The following MKX variants were observed in gnomAD, a reference collection of about 807,000 sequenced individuals.
The protein encoded by MKX is mohawk homeobox.
Under a neutral mutation model 36.0 loss-of-function variants are expected in MKX, and 13 were observed. That is an observed-to-expected ratio of 0.36 (90% CI 0.24 to 0.57). The LOEUF (loss-of-function observed/expected upper bound fraction) is 0.57. MKX is among the 20% of genes least tolerant of loss of function. The pLI, the probability that MKX is intolerant of heterozygous loss-of-function variation, is 0.79. For synonymous variants in MKX, 176 were observed against 178.3 expected (o/e 0.99, Z 0.10); for missense variants, 458 against 456.4 (o/e 1.00, Z -0.03).
intron 3 of MKX, among the ~76,000 whole-genome samples, chr10:27,738,130 C>G (rs1229132466): frequency 6.6e-6 from 1 of 151,842 alleles, no homozygotes; most frequent in African/African-American, 2.4e-5. Context: ...TAGACTGTTT[C>G]AAAACTGATT....
At chr10:27,713,985 A>G (rs1463910685) in intron 5 of MKX, among the ~76,000 whole-genome samples, 1 of 146,026 alleles carries the variant, frequency 6.8e-6, no homozygotes, top group African/African-American at 2.5e-5. Context: ...TCTGTAGGCG[A>G]GTACAGCAAA....
rs118129039 is a variant in MKX at position 27,699,661 on chromosome 10, T to G, written c.839-24107A>C. 6.2e-3 allele frequency among the ~76,000 whole-genome samples: 937 copies of G among 152,296 alleles called. 17 individuals are homozygous for G. The East Asian group carries it at 0.064, about 10-fold the overall frequency. ...CTTTCTTATAGAAAGAGACTCCATT[T>G]AATTGGCTTCCACACGCGCCTTCCC... On this transcript the variant is annotated intron_variant, in intron 5 of 6. Coordinates refer to ENST00000419761, the MANE Select transcript of MKX (RefSeq NM_173576.3).
At chr10:27,680,089 G>GC (rs1836226158) in intron 5 of MKX, among the ~76,000 whole-genome samples, 1 of 152,126 alleles carries the variant, frequency 6.6e-6, no homozygotes, top group East Asian at 1.9e-4. Flanking sequence ...GAGGGAAAAT[G>GC]CAAGTTGGAG....
chr10:27,683,757 C>T (rs772059392), intron 5 of MKX, among the ~76,000 whole-genome samples: 9 of 152,238 alleles, frequency 5.9e-5, no homozygotes, highest in Non-Finnish European at 1.2e-4. Flanking sequence ...TATTCACATA[C>T]TTGGAACAAC....
At chr10:27,694,366 A>C (rs1320037952) in intron 5 of MKX, among the ~76,000 whole-genome samples, 2 of 151,888 alleles carry the variant, frequency 1.3e-5, no homozygotes, top group Non-Finnish European at 2.9e-5. Context: ...TATACTACAC[A>C]TACTCCAAAG....
At chr10:27,734,348 G>A (rs1355055878) in intron 5 of MKX, 108 bp downstream of exon 5, 15 of 997,358 alleles carry the variant, frequency 1.5e-5, no homozygotes, top group South Asian at 3.3e-5. Flanking sequence ...TGGGCAATAT[G>A]TGAATAATCT....
At chr10:27,711,410 T>TTCTTTCTTTCCTTCTTTTC (rs1836848870) in intron 5 of MKX, among the ~76,000 whole-genome samples, 1 of 122,200 alleles carries the variant, frequency 8.2e-6, no homozygotes, top group African/African-American at 3.5e-5. Context: ...CCTTCTTTCC[T>TTCTTTCTTTCCTTCTTTTC]TCTTTCTTTC....
At chr10:27,731,046 A>G (rs1183860267) in intron 5 of MKX, among the ~76,000 whole-genome samples, 3 of 149,302 alleles carry the variant, frequency 2.0e-5, no homozygotes, top group Non-Finnish European at 4.4e-5. Context: ...AGGCAGGAGA[A>G]TTGCTTGAAC....
intron 5 of MKX, among the ~76,000 whole-genome samples, chr10:27,705,658 T>C (rs1429132272): frequency 6.6e-6 from 1 of 152,236 alleles, no homozygotes; most frequent in Non-Finnish European, 1.5e-5. Flanking sequence ...TCCAGCCATA[T>C]GCTACCTTTT....
intron 5 of MKX, among the ~76,000 whole-genome samples, chr10:27,715,216 T>C (rs892056247): frequency 1.5e-4 from 23 of 152,102 alleles, no homozygotes; most frequent in Admixed American, 2.0e-4. Flanking sequence ...TGCTTTGCCC[T>C]GGACACTGTG....
At chr10:27,701,630 A>G (rs1397418017) in intron 5 of MKX, among the ~76,000 whole-genome samples, 1 of 145,148 alleles carries the variant, frequency 6.9e-6, no homozygotes, top group African/African-American at 2.5e-5. Context: ...TTAAAATAAT[A>G]ATATATTTAT....
chr10:27,727,260 A>G (rs898937709), intron 5 of MKX, among the ~76,000 whole-genome samples: 3 of 152,212 alleles, frequency 2.0e-5, no homozygotes, highest in African/African-American at 4.8e-5. Flanking sequence ...GAGTCTCAGC[A>G]TCTATCTACA....
At chr10:27,731,186 CA>C (rs943245263) in intron 5 of MKX, among the ~76,000 whole-genome samples, 12 of 142,844 alleles carry the variant, frequency 8.4e-5, no homozygotes, top group African/African-American at 2.8e-4. Context: ...TAAATTGTAA[CA>C]AAAACAAATA....
intron 5 of MKX, among the ~76,000 whole-genome samples, chr10:27,693,221 C>T (rs1328145035): frequency 6.6e-6 from 1 of 152,136 alleles, no homozygotes; most frequent in East Asian, 1.9e-4. Flanking sequence ...TTGTGCCTCC[C>T]CCAGAGCCTG....
intron 5 of MKX, among the ~76,000 whole-genome samples, chr10:27,688,415 C>G (rs374484471): frequency 6.6e-5 from 10 of 152,226 alleles, no homozygotes; most frequent in South Asian, 6.2e-4. Context: ...AATGGCTTTT[C>G]TGATGGTCCT....
intron 5 of MKX, among the ~76,000 whole-genome samples, chr10:27,712,129 C>A (rs141352874): frequency 2.6e-4 from 39 of 152,204 alleles, no homozygotes; most frequent in Admixed American, 9.2e-4. Flanking sequence ...GTCAAAAGAG[C>A]GCTCTGTCCC....
At chr10:27,725,532 C>T (rs1834469250) in intron 5 of MKX, among the ~76,000 whole-genome samples, 1 of 151,924 alleles carries the variant, frequency 6.6e-6, no homozygotes, top group Non-Finnish European at 1.5e-5. Flanking sequence ...AGTACCAAAA[C>T]TCTGGACTGG....
chr10:27,743,608 A>G (rs1380899382), intron 1 of MKX, 111 bp from the exon 2 acceptor site: 2 of 589,730 alleles, frequency 3.4e-6, no homozygotes, highest in African/African-American at 4.0e-5. Context: ...CGAGGGGAGG[A>G]GCGGCGCCGC....
At chr10:27,709,748 T>G (rs966030342) in intron 5 of MKX, among the ~76,000 whole-genome samples, 1 of 152,132 alleles carries the variant, frequency 6.6e-6, no homozygotes, top group Non-Finnish European at 1.5e-5. Context: ...ATAAAAGCCC[T>G]TTCCATAAAT....
Sources: gnomAD v4.1 joint callset for allele counts (sites outside exome capture counted in the v4.1 genomes callset) on GRCh38, gnomAD v4.1.1 for gene constraint, MANE v1.5 for transcripts, NCBI Gene and HGNC (gene_info 2026-07-23, HGNC 2026-07-21) for gene names.